The following BCAR3 variants were observed in gnomAD, a reference collection of about 807,000 sequenced individuals.
The protein encoded by BCAR3 is breast cancer anti-estrogen resistance protein 3.
Under a neutral mutation model 80.1 loss-of-function variants are expected in BCAR3, and 37 were observed. The observed-to-expected ratio is 0.46, with a 90% CI of 0.36 to 0.61. The LOEUF (loss-of-function observed/expected upper bound fraction) is 0.61, where lower values mean the gene tolerates loss of function less well. Ranked by LOEUF, BCAR3 falls within the 20% of genes least tolerant of loss-of-function variation. The pLI, the probability that BCAR3 is intolerant of heterozygous loss-of-function variation, is 0.00. For synonymous variants in BCAR3, 389 were observed against 418.9 expected (o/e 0.93, Z 0.87); for missense variants, 978 against 1,068.2 (o/e 0.92, Z 1.18).
At chr1:93,831,223 T>C (rs932952098) in intron 2 of BCAR3, among the ~76,000 whole-genome samples, 2 of 152,166 alleles carry the variant, frequency 1.3e-5, no homozygotes, top group African/African-American at 4.8e-5. Context: ...CTGCTTTGGC[T>C]GCTCACCCAC....
chr1:93,683,986 C>G (rs918157593), upstream of BCAR3, among the ~76,000 whole-genome samples: 10 of 151,956 alleles, frequency 6.6e-5, no homozygotes, highest in Non-Finnish European at 1.5e-5. Context: ...CTCTTAGAAA[C>G]AGTTGTTGGT....
intron 1 of BCAR3, among the ~76,000 whole-genome samples, chr1:93,680,325 G>C (rs1234249466): frequency 6.6e-6 from 1 of 152,214 alleles, no homozygotes; most frequent in East Asian, 1.9e-4. Context: ...TTTAGAGAAA[G>C]TTGGAGTTGG....
In BCAR3 at chr1:93,607,378, G is replaced by A. The variant is rs561918906; in HGVS notation, c.358-14985C>T. ...CTAAGCTAAGAGGAAACACGATCTC[G>A]TTATGAGAGTTAGAAGGACAAGGCC... On this transcript the variant is annotated intron_variant, in intron 3 of 11. Transcript: ENST00000260502. Among the ~76,000 whole-genome samples, 11 of 152,130 alleles carry A rather than the reference G, an allele frequency of 7.2e-5. No homozygotes were observed. The East Asian group carries it at 1.2e-3, about 16-fold the overall frequency.
At chr1:93,805,683 C>T (rs1435252056) in intron 2 of BCAR3, among the ~76,000 whole-genome samples, 1 of 152,098 alleles carries the variant, frequency 6.6e-6, no homozygotes, top group African/African-American at 2.4e-5. Flanking sequence ...CTCCTTATTG[C>T]CTCAGTCTTA....
At chr1:93,689,152 A>G (rs1649079340) in intron 3 of BCAR3, among the ~76,000 whole-genome samples, 1 of 152,170 alleles carries the variant, frequency 6.6e-6, no homozygotes, top group Non-Finnish European at 1.5e-5. Context: ...GAGCTGCAGC[A>G]GAGCTCCCAG....
chr1:93,786,308 G>C (rs1209775675), intron 2 of BCAR3, among the ~76,000 whole-genome samples: 1 of 151,472 alleles, frequency 6.6e-6, no homozygotes, highest in Admixed American at 6.6e-5. Context: ...CCCCTGTGGA[G>C]TGCAGAGGAC....
At chr1:93,747,971 G>C (rs1651415511) in intron 2 of BCAR3, among the ~76,000 whole-genome samples, 1 of 151,940 alleles carries the variant, frequency 6.6e-6, no homozygotes, top group Non-Finnish European at 1.5e-5. Context: ...TCCCAACTGA[G>C]AACCAACCCT....
At chr1:93,759,558 G>A (rs1260845872) in intron 2 of BCAR3, among the ~76,000 whole-genome samples, 1 of 152,092 alleles carries the variant, frequency 6.6e-6, no homozygotes, top group Non-Finnish European at 1.5e-5. Flanking sequence ...TAAGTTTCCT[G>A]TTTTTTCTTC....
chr1:93,669,300 C>G (rs1041896761), intron 2 of BCAR3, among the ~76,000 whole-genome samples: 2 of 152,132 alleles, frequency 1.3e-5, no homozygotes, highest in Non-Finnish European at 2.9e-5. Flanking sequence ...TTGATACAGC[C>G]CAGAGTTAGG....
chr1:93,729,935 A>G (rs141404199), intron 2 of BCAR3, among the ~76,000 whole-genome samples: 49 of 152,370 alleles, frequency 3.2e-4, no homozygotes, highest in South Asian at 3.1e-3. Flanking sequence ...AATCTTATGC[A>G]TGTTTATATA....
intron 2 of BCAR3, among the ~76,000 whole-genome samples, chr1:93,757,218 C>G (rs1349127904): frequency 6.6e-6 from 1 of 152,194 alleles, no homozygotes; most frequent in African/African-American, 2.4e-5. Flanking sequence ...AAGGGGCACA[C>G]AATCATGGGG....
chr1:93,569,660 G>A (rs954311216), intron 9 of BCAR3, among the ~76,000 whole-genome samples: 1 of 152,210 alleles, frequency 6.6e-6, no homozygotes, highest in Non-Finnish European at 1.5e-5. Context: ...CTTTCTCTGG[G>A]TATGCCACTT....
intron 2 of BCAR3, among the ~76,000 whole-genome samples, chr1:93,819,457 C>T (rs144414724): frequency 1.2e-3 from 179 of 152,364 alleles, no homozygotes; most frequent in African/African-American, 3.9e-3. Context: ...AGCCCACTTG[C>T]TTTTGCTTTT....
chr1:93,583,337 C>T (rs570334643), intron 6 of BCAR3, among the ~76,000 whole-genome samples: 1 of 152,152 alleles, frequency 6.6e-6, no homozygotes, highest in African/African-American at 2.4e-5. Flanking sequence ...TAAAATGCCA[C>T]TCTCAAAGGG....
Position 93,770,482 on chromosome 1 carries a change from A to G in BCAR3, c.-62-64340T>C, listed in dbSNP as rs115303478. The stretch of plus-strand genomic sequence containing the variant: ...TTGGGGTTCCAGTGACTCTACTAGG[A>G]GGGAGCTCAGAGGCAAACATTTTTT... On this transcript the variant is annotated intron_variant, in intron 2 of 13. Transcript: ENST00000370244. 4.9e-3 allele frequency among the ~76,000 whole-genome samples: 748 copies of G among 152,212 alleles called. 6 individuals carry two copies. Among genetic ancestry groups the G allele is most frequent in the Non-Finnish European group, 6.3e-3 (427 of 68,006 alleles).
intron 4 of BCAR3, among the ~76,000 whole-genome samples, chr1:93,590,622 A>G (rs1026134738): frequency 1.3e-5 from 2 of 152,240 alleles, no homozygotes; most frequent in Admixed American, 6.5e-5. Flanking sequence ...GAACATTCCA[A>G]CATTTGATCA....
At chr1:93,694,605 T>A (rs906456239) in intron 3 of BCAR3, among the ~76,000 whole-genome samples, 3 of 152,188 alleles carry the variant, frequency 2.0e-5, no homozygotes, top group Admixed American at 1.3e-4. Context: ...CTTCTTAATA[T>A]CAACCTTCTC....
chr1:93,774,110 G>A (rs1386657744), intron 2 of BCAR3, among the ~76,000 whole-genome samples: 3 of 152,178 alleles, frequency 2.0e-5, no homozygotes, highest in Non-Finnish European at 4.4e-5. Flanking sequence ...GCAATCAGGA[G>A]TAACTCCAAA....
intron 2 of BCAR3, among the ~76,000 whole-genome samples, chr1:93,736,713 C>T (rs555764036): frequency 1.3e-5 from 2 of 152,134 alleles, no homozygotes; most frequent in South Asian, 2.1e-4. Flanking sequence ...ATGATGGCCT[C>T]GTCACTGGAT....
Sources: allele counts gnomAD v4.1 joint callset (sites outside exome capture counted in the v4.1 genomes callset), GRCh38; gene constraint gnomAD v4.1.1; transcripts MANE v1.5; gene names NCBI Gene and HGNC (gene_info 2026-07-23, HGNC 2026-07-21).